The following MAP4K5 variants were observed in gnomAD, a reference collection of about 807,000 sequenced individuals.
MAP4K5 encodes MAPK/ERK kinase kinase kinase 5.
Under a neutral mutation model 135.6 loss-of-function variants are expected in MAP4K5, and 82 were observed. That is an observed-to-expected ratio of 0.60 (90% CI 0.51 to 0.73). The LOEUF is 0.73. Ranked by LOEUF, MAP4K5 falls within the 30% of genes least tolerant of loss-of-function variation. The probability of loss-of-function intolerance (pLI) is 0.00; values close to 1 mark genes in which losing one functional copy is unlikely to be tolerated. For missense variants in MAP4K5, 907 were observed against 1,010.9 expected (o/e 0.90, Z 1.39); for synonymous variants, 347 against 335.0 (o/e 1.04, Z -0.39).
chr14:50,500,997 G>A (rs903767371), intron 3 of MAP4K5, among the ~76,000 whole-genome samples: 2 of 152,000 alleles, frequency 1.3e-5, no homozygotes, highest in Non-Finnish European at 2.9e-5. Flanking sequence ...GAATGGAAAG[G>A]AAATGGCATA....
intron 16 of MAP4K5, among the ~76,000 whole-genome samples, chr14:50,446,457 T>C (rs1319518534): frequency 2.0e-5 from 3 of 152,192 alleles, no homozygotes; most frequent in African/African-American, 4.8e-5. Context: ...TTCAAGTGGG[T>C]ATATCATCAA....
intron 3 of MAP4K5, among the ~76,000 whole-genome samples, chr14:50,490,898 T>C (rs900285023): frequency 1.3e-5 from 2 of 152,080 alleles, no homozygotes; most frequent in Non-Finnish European, 2.9e-5. Context: ...AAAGTAGAAA[T>C]CTTGGGAAGC....
rs774254003 is a variant in MAP4K5 at position 50,504,782 on chromosome 14, G to C, written c.166+18C>G. The C allele has an allele frequency of 3.3e-5, 51 of 1,527,026 alleles. No homozygotes were observed. The highest frequency in any genetic ancestry group is 4.3e-5 in the Non-Finnish European group (49 of 1,131,812). 94.6% of individuals were successfully genotyped at this position (1,527,026 alleles called of 1,614,324 possible). On this transcript the variant is annotated intron_variant, in intron 3 of 32. Coordinates refer to ENST00000682126, the MANE Select transcript of MAP4K5 (RefSeq NM_006575.6). ...ATGGAAAACCCTCAAAAATTGTCTT[G>C]AGGGTTTTAACACATACCAGGCTCC...
intron 28 of MAP4K5, 73 bp downstream of exon 28, chr14:50,434,321 T>G: frequency 8.3e-7 from 1 of 1,209,110 alleles, no homozygotes; most frequent in Non-Finnish European, 1.2e-6. Flanking sequence ...GTTTTGCTTC[T>G]TTTATAGGTG....
At chr14:50,528,699 G>C (rs1381032959) in intron 2 of MAP4K5, among the ~76,000 whole-genome samples, 10 of 152,146 alleles carry the variant, frequency 6.6e-5, no homozygotes, top group Admixed American at 6.5e-4. Flanking sequence ...CCAGCCTAAA[G>C]CACAAGACCA....
At chr14:50,481,746 A>G (rs970017382) in intron 6 of MAP4K5, among the ~76,000 whole-genome samples, 1 of 152,204 alleles carries the variant, frequency 6.6e-6, no homozygotes, top group African/African-American at 2.4e-5. Context: ...AACCCATTTT[A>G]GCATACTAAA....
At chr14:50,458,404 C>A (rs1461629869) in intron 13 of MAP4K5, among the ~76,000 whole-genome samples, 1 of 152,160 alleles carries the variant, frequency 6.6e-6, no homozygotes, top group East Asian at 1.9e-4. Context: ...AGCTTATTCT[C>A]TTCCAGCTAC....
chr14:50,523,363 C>T (rs867785457), intron 2 of MAP4K5, among the ~76,000 whole-genome samples: 9 of 152,084 alleles, frequency 5.9e-5, no homozygotes, highest in Admixed American at 1.3e-4. Flanking sequence ...TGGTCCTGCA[C>T]CAGTCAATAA....
intron 2 of MAP4K5, among the ~76,000 whole-genome samples, chr14:50,507,828 A>C (rs1474914071): frequency 6.6e-6 from 1 of 152,116 alleles, no homozygotes; most frequent in Non-Finnish European, 1.5e-5. Context: ...TATTCTGTTG[A>C]TTTGGGGTGG....
upstream of MAP4K5, among the ~76,000 whole-genome samples, chr14:50,537,065 G>C (rs910354638): frequency 1.3e-5 from 2 of 152,204 alleles, no homozygotes; most frequent in Admixed American, 1.3e-4. Context: ...GGTCTTCATG[G>C]CAGACCTTCC....
chr14:50,496,680 T>C (rs944939317), intron 3 of MAP4K5, among the ~76,000 whole-genome samples: 4 of 151,908 alleles, frequency 2.6e-5, no homozygotes, highest in Non-Finnish European at 5.9e-5. Context: ...TGCTAATTTT[T>C]AAAAATTTTT....
At chr14:50,422,536 T>C (rs552313172) in intron 32 of MAP4K5, among the ~76,000 whole-genome samples, 1 of 151,296 alleles carries the variant, frequency 6.6e-6, no homozygotes, top group Admixed American at 6.6e-5. Flanking sequence ...TTTTATTAGC[T>C]ATAGAAGTAG....
Position 50,456,636 on chromosome 14 carries a change from A to G in MAP4K5, c.937-42T>C, listed in dbSNP as rs150755266. Reference sequence around the variant, plus strand: ...AATATATATACTTTAACAAATTTCAATGAGAAAGTTAAAAGGTCAAACTTT... The same window carrying G: ...AATATATATACTTTAACAAATTTCAGTGAGAAAGTTAAAAGGTCAAACTTT... On this transcript the variant is annotated intron_variant, in intron 13 of 32. Coordinates refer to ENST00000682126, the MANE Select transcript of MAP4K5 (RefSeq NM_006575.6). 8.5e-3 allele frequency: 10,802 copies of G among 1,276,782 alleles called. 55 individuals carry two copies. Among genetic ancestry groups the G allele is most frequent in the Non-Finnish European group, 0.01 (9,484 of 933,834 alleles). 79.1% of individuals were successfully genotyped at this position (1,276,782 alleles called of 1,614,324 possible).
At chr14:50,537,434 G>T (rs1039596076), upstream of MAP4K5, among the ~76,000 whole-genome samples, 2 of 152,216 alleles carry the variant, frequency 1.3e-5, no homozygotes, top group African/African-American at 4.8e-5. Flanking sequence ...GAAATGTGGG[G>T]TCAGAGCCCC....
At chr14:50,557,007 A>C (rs2038773009) in intron 1 of MAP4K5, among the ~76,000 whole-genome samples, 1 of 152,172 alleles carries the variant, frequency 6.6e-6, no homozygotes, top group Non-Finnish European at 1.5e-5. Flanking sequence ...TAGGGTGTAT[A>C]TCTAGGAGTG....
At chr14:50,424,607 G>A (rs2139620291) in intron 31 of MAP4K5, among the ~76,000 whole-genome samples, 1 of 151,360 alleles carries the variant, frequency 6.6e-6, no homozygotes, top group South Asian at 2.1e-4. Context: ...CTACTCAGGA[G>A]GCCGAGGCAG....
chr14:50,526,429 G>A (rs1214839950), intron 2 of MAP4K5, among the ~76,000 whole-genome samples: 5 of 152,124 alleles, frequency 3.3e-5, no homozygotes, highest in Admixed American at 1.3e-4. Flanking sequence ...CCAAGTAGCT[G>A]GGATTATAGG....
chr14:50,470,752 C>G (rs926560634), intron 9 of MAP4K5, among the ~76,000 whole-genome samples: 2 of 151,800 alleles, frequency 1.3e-5, no homozygotes, highest in Admixed American at 1.3e-4. Flanking sequence ...AAATTAACAA[C>G]ATATCATGAG....
chr14:50,456,812 C>T lies in MAP4K5; in HGVS notation c.937-218G>A. ...TACTGAAGAGATTCAAAGACAGACA[C>T]AAATCCTGTCCTCAAAGAGCTTACA... On this transcript the variant is annotated intron_variant, in intron 13 of 32. Coordinates refer to ENST00000682126, the MANE Select transcript of MAP4K5 (RefSeq NM_006575.6). 3 of 424,708 alleles carry T rather than the reference C, an allele frequency of 7.1e-6. 1 individual carries two copies. In the South Asian group the frequency reaches 1.3e-4, roughly 18 times the overall value. The allele number at this position is 424,708 out of a possible 1,614,324, so 26.3% of individuals were successfully genotyped here. A position where few individuals can be genotyped will look rare whatever the true frequency, so the allele number is the denominator to read the frequency against.
Sources: allele counts gnomAD v4.1 joint callset (sites outside exome capture counted in the v4.1 genomes callset), GRCh38; gene constraint gnomAD v4.1.1; transcripts MANE v1.5; gene names NCBI Gene and HGNC (gene_info 2026-07-23, HGNC 2026-07-21).